DCLK1: variants seen among roughly 807,000 people sequenced by gnomAD.
The protein encoded by DCLK1 is serine/threonine-protein kinase DCLK1.
Under a neutral mutation model 86.2 loss-of-function variants are expected in DCLK1, and 16 were observed. The observed-to-expected ratio is 0.19, with a 90% CI of 0.13 to 0.28. The LOEUF (loss-of-function observed/expected upper bound fraction) is 0.28, where lower values mean the gene tolerates loss of function less well. Ranked by LOEUF, DCLK1 falls within the 10% of genes least tolerant of loss-of-function variation. The pLI is 1.00. For missense variants in DCLK1, 590 were observed against 940.2 expected, an observed-to-expected ratio of 0.63 and a Z score of 4.87; for synonymous variants, 369 against 370.5, an observed-to-expected ratio of 1.00 and a Z score of 0.05.
At chr13:36,011,175 C>T (rs1881246273) in intron 3 of DCLK1, among the ~76,000 whole-genome samples, 1 of 76,730 alleles carries the variant, frequency 1.3e-5, no homozygotes, top group African/African-American at 4.9e-5. Context: ...TTCAAAAAAC[C>T]AGCTCCTGGA....
At chr13:35,923,969 C>T (rs74046153) in intron 4 of DCLK1, among the ~76,000 whole-genome samples, 2,011 of 152,208 alleles carry the variant, frequency 0.013, 50 homozygotes, top group African/African-American at 0.046. Context: ...CAGAATAGTT[C>T]GAGGGATCAT....
At chr13:35,920,187 T>C (rs571193151) in intron 4 of DCLK1, among the ~76,000 whole-genome samples, 1 of 152,238 alleles carries the variant, frequency 6.6e-6, no homozygotes, top group Non-Finnish European at 1.5e-5. Flanking sequence ...TCTGCAACTA[T>C]GTCCACATCT....
chr13:36,048,989 C>T (rs1044175155), intron 3 of DCLK1, among the ~76,000 whole-genome samples: 3 of 152,152 alleles, frequency 2.0e-5, no homozygotes, highest in Admixed American at 6.5e-5. Context: ...TAATTTCCTA[C>T]CCATGATGAT....
At chr13:35,944,920 A>G (rs1444166925) in intron 4 of DCLK1, among the ~76,000 whole-genome samples, 1 of 151,860 alleles carries the variant, frequency 6.6e-6, no homozygotes, top group African/African-American at 2.4e-5. Flanking sequence ...TATTTATTTG[A>G]GACAGAGTTT....
intron 4 of DCLK1, among the ~76,000 whole-genome samples, chr13:35,914,536 G>A (rs1012887636): frequency 1.3e-5 from 2 of 150,738 alleles, no homozygotes; most frequent in Non-Finnish European, 3.0e-5. Context: ...GGGCAAAATG[G>A]CAAGACCCTG....
chr13:35,871,382 G>GCA lies in DCLK1; in HGVS notation c.824-44_824-43dup, dbSNP rs755890173. ...AACCACACATCATTATGGGGTAATG[G>GCA]CACACACACACCAACTCAAAATGCA... On this transcript the variant is annotated intron_variant, in intron 4 of 16. Coordinates refer to ENST00000360631, the MANE Select transcript of DCLK1 (RefSeq NM_001330071.2). The GCA allele has an allele frequency of 1.7e-4, 252 of 1,460,664 alleles. 1 individual carries two copies. Among genetic ancestry groups the GCA allele is most frequent in the Non-Finnish European group, 2.1e-4 (222 of 1,042,622 alleles). The allele number at this position is 1,460,664 out of a possible 1,614,324, so 90.5% of individuals were successfully genotyped here.
intron 2 of DCLK1, among the ~76,000 whole-genome samples, chr13:36,120,849 A>G (rs942184737): frequency 6.6e-6 from 1 of 152,184 alleles, no homozygotes; most frequent in Admixed American, 6.5e-5. Flanking sequence ...TTAATGGGAA[A>G]CATCTGATTT....
intron 8 of DCLK1, among the ~76,000 whole-genome samples, chr13:35,833,763 AT>A (rs754122123): frequency 5.5e-4 from 83 of 152,098 alleles, no homozygotes; most frequent in Middle Eastern, 3.4e-3. Context: ...CTCGCTTTTT[AT>A]TTTCTTGGAC....
In DCLK1 at chr13:36,112,728, C is replaced by A. The variant is rs145354464; in HGVS notation, c.377-513G>T. On this transcript the variant is annotated intron_variant, in intron 2 of 16. Coordinates refer to ENST00000360631, the MANE Select transcript of DCLK1 (RefSeq NM_001330071.2). ...AGCCCAGTAAAGTTCCAAAAGCAAG[C>A]AAATAATCACCCTTCCTTTCTCTCA... is the stretch of plus-strand genomic sequence containing the variant. Among the ~76,000 whole-genome samples, 908 of 152,220 alleles carry A rather than the reference C, an allele frequency of 6.0e-3. 7 individuals carry two copies. Among genetic ancestry groups the A allele is most frequent in the African/African-American group, 0.021 (856 of 41,544 alleles).
At chr13:35,879,476 C>A (rs4941822) in intron 4 of DCLK1, among the ~76,000 whole-genome samples, 69,621 of 152,052 alleles carry the variant, frequency 0.46, 16,124 homozygotes, top group African/African-American at 0.52. Context: ...CTTTCCAAAC[C>A]CTTTCCTTTT....
intron 3 of DCLK1, among the ~76,000 whole-genome samples, chr13:36,035,416 A>T (rs780597686): frequency 1.3e-5 from 2 of 152,118 alleles, no homozygotes; most frequent in Non-Finnish European, 2.9e-5. Flanking sequence ...TTTTTTAATT[A>T]TCTTGTTCTT....
At chr13:35,798,914 T>C (rs930053538) in intron 15 of DCLK1, among the ~76,000 whole-genome samples, 9 of 152,200 alleles carry the variant, frequency 5.9e-5, no homozygotes, top group African/African-American at 2.2e-4. Flanking sequence ...TTCTTTCCCT[T>C]GTTCTTTTTT....
chr13:35,901,601 G>C (rs950910185), intron 4 of DCLK1, among the ~76,000 whole-genome samples: 7 of 151,608 alleles, frequency 4.6e-5, no homozygotes, highest in African/African-American at 1.7e-4. Flanking sequence ...CAGAGGTTTG[G>C]TAGTTAAAAG....
At chr13:36,021,271 G>A (rs549668091) in intron 3 of DCLK1, among the ~76,000 whole-genome samples, 1 of 150,406 alleles carries the variant, frequency 6.6e-6, no homozygotes, top group Non-Finnish European at 1.5e-5. Context: ...GAAACAATAA[G>A]AGGTTTAAAA....
intron 11 of DCLK1, among the ~76,000 whole-genome samples, 177 bp downstream of exon 11, chr13:35,822,552 G>A (rs1049716697): frequency 2.6e-5 from 4 of 151,968 alleles, no homozygotes; most frequent in Admixed American, 1.3e-4. Context: ...TCTTAAGGGC[G>A]CATTAACTCA....
At chr13:35,788,666 T>C (rs1313526550) in intron 16 of DCLK1, among the ~76,000 whole-genome samples, 2 of 152,142 alleles carry the variant, frequency 1.3e-5, no homozygotes, top group African/African-American at 4.8e-5. Context: ...TTGGACCCCA[T>C]AGAGTATTAC....
chr13:35,869,031 T>G (rs1211035625), intron 5 of DCLK1: 1 of 467,406 alleles, frequency 2.1e-6, no homozygotes, highest in African/African-American at 2.0e-5. Flanking sequence ...CCTCAAGTGA[T>G]CCACCCCCAT....
Position 35,822,894 on chromosome 13 carries a change from C to A in DCLK1, c.1408-19G>T, listed in dbSNP as rs3751346. On this transcript the variant is annotated intron_variant, in intron 10 of 16. Coordinates refer to ENST00000360631, the MANE Select transcript of DCLK1 (RefSeq NM_001330071.2). ...CTCCCCCCTGAGAAGAGAACAGAAGCTGAAGCAGCACATTAACAGACGGGC... is the reference window on the plus strand; with the variant it reads ...CTCCCCCCTGAGAAGAGAACAGAAGATGAAGCAGCACATTAACAGACGGGC... 1 of 1,612,918 alleles carries A rather than the reference C, an allele frequency of 6.2e-7. No homozygotes were observed. Among genetic ancestry groups the A allele is most frequent in the Non-Finnish European group, 8.5e-7 (1 of 1,179,698 alleles).
chr13:35,873,542 T>C (rs573298940), intron 4 of DCLK1, among the ~76,000 whole-genome samples: 1 of 151,942 alleles, frequency 6.6e-6, no homozygotes, highest in South Asian at 2.1e-4. Context: ...CCCACCACCA[T>C]GCCTGGCTAA....
Sources: gnomAD v4.1 joint callset for allele counts (sites outside exome capture counted in the v4.1 genomes callset) on GRCh38, gnomAD v4.1.1 for gene constraint, MANE v1.5 for transcripts, NCBI Gene and HGNC (gene_info 2026-07-23, HGNC 2026-07-21) for gene names.